TRA2A: variants seen among roughly 807,000 people sequenced by gnomAD.
TRA2A encodes transformer 2 alpha homolog, also known as transformer-2 protein homolog alpha.
TRA2A carries 31 observed loss-of-function variants against 45.7 expected under a neutral mutation model. That is an observed-to-expected ratio of 0.68 (90% CI 0.51 to 0.92). TRA2A has a LOEUF of 0.92. Ranked by LOEUF, TRA2A falls within the 40% of genes least tolerant of loss-of-function variation. The pLI, the probability that TRA2A is intolerant of heterozygous loss-of-function variation, is 0.00. For synonymous variants in TRA2A, 132 were observed against 126.2 expected, an observed-to-expected ratio of 1.05 and a Z score of -0.31; for missense variants, 304 against 367.5, an observed-to-expected ratio of 0.83 and a Z score of 1.41.
intron 1 of TRA2A, among the ~76,000 whole-genome samples, chr7:23,530,214 G>A (rs1472234032): frequency 1.3e-5 from 2 of 152,134 alleles, no homozygotes; most frequent in Admixed American, 1.3e-4. Flanking sequence ...AGAAAGTTCT[G>A]TTGGGGCCAT....
At chr7:23,507,096 T>C (rs1789376661) in intron 5 of TRA2A, 1 of 243,428 alleles carries the variant, frequency 4.1e-6, no homozygotes, top group East Asian at 8.4e-5. Context: ...GAGGGTTGTA[T>C]ATTTAAAAAC....
intron 1 of TRA2A, chr7:23,522,517 G>T: frequency 2.6e-6 from 1 of 387,520 alleles, no homozygotes; most frequent in Middle Eastern, 5.9e-4. Flanking sequence ...TCTACCAAAT[G>T]GAAAAGCCAG....
At chr7:23,508,468 A>G (rs1256933740) in intron 4 of TRA2A, among the ~76,000 whole-genome samples, 4 of 151,976 alleles carry the variant, frequency 2.6e-5, no homozygotes, top group African/African-American at 9.7e-5. Context: ...GAAGGGGTCT[A>G]AACAGTATTC....
chr7:23,506,385 A>C (rs754980354), intron 5 of TRA2A, 119 bp from the exon 6 acceptor site: 15 of 1,260,936 alleles, frequency 1.2e-5, no homozygotes, highest in African/African-American at 1.5e-5. Flanking sequence ...TTCATGAGAA[A>C]TTGCCTCCGT....
Position 23,512,996 on chromosome 7 carries a change from T to C in TRA2A, c.423A>G (p.Arg141=). 2.5e-6 allele frequency: 4 copies of C among 1,614,020 alleles called. No individual in the cohort carries two copies. The Middle Eastern group carries it at 4.9e-4, about 200-fold the overall frequency. ...TERDLREVFS[R]YGPLSGVNVV... is the part of the protein sequence containing the mutation. ...CATTGACACCACTCAATGGTCCATA[T>C]CGAGAAAATACTTCACGAAGATCCC... Residue 141 remains arginine, a synonymous_variant, in exon 4 of 8, where the codon CGA becomes CGG. Coordinates refer to ENST00000297071, the MANE Select transcript of TRA2A (RefSeq NM_013293.5).
intron 5 of TRA2A, among the ~76,000 whole-genome samples, chr7:23,506,977 G>A (rs757709529): frequency 2.6e-5 from 4 of 151,954 alleles, no homozygotes; most frequent in East Asian, 1.9e-4. Flanking sequence ...GGGTTTCACC[G>A]TGGTCCCGAT....
At chr7:23,508,275 TAA>T (rs67642004) in intron 4 of TRA2A, among the ~76,000 whole-genome samples, 1,264 of 101,508 alleles carry the variant, frequency 0.012, 11 homozygotes, top group Non-Finnish European at 0.016. Flanking sequence ...TAAAGGTCAT[TAA>T]AAAAAAAAAA....
In TRA2A at chr7:23,507,402, G is replaced by C; in HGVS notation, c.641+18C>G. On this transcript the variant is annotated intron_variant, in intron 5 of 7. Coordinates refer to ENST00000297071, the MANE Select transcript of TRA2A (RefSeq NM_013293.5). Reference sequence around the variant, plus strand: ...CTGGTGGATTTCATAGTTTAGCTTAGGAAACTTGAACTCTTACTGAGTTGG... The same window carrying C: ...CTGGTGGATTTCATAGTTTAGCTTACGAAACTTGAACTCTTACTGAGTTGG... 1.3e-6 allele frequency: 2 copies of C among 1,593,756 alleles called. No individual in the cohort carries two copies. The highest frequency in any genetic ancestry group is 8.6e-7 in the Non-Finnish European group (1 of 1,163,080).
intron 2 of TRA2A, 98 bp from the exon 3 acceptor site, chr7:23,516,626 G>A (rs1789884835): frequency 1.9e-6 from 2 of 1,069,286 alleles, no homozygotes; most frequent in South Asian, 1.5e-5. Flanking sequence ...ACTATTCTCA[G>A]GTCCTTCCTC....
intron 2 of TRA2A, among the ~76,000 whole-genome samples, chr7:23,519,770 T>C (rs1790050446): frequency 6.6e-6 from 1 of 152,138 alleles, no homozygotes; most frequent in African/African-American, 2.4e-5. Flanking sequence ...GGAAAGACCT[T>C]ATGAAACACA....
At chr7:23,517,507 GAGAA>G (rs1458907573) in intron 2 of TRA2A, among the ~76,000 whole-genome samples, 51 of 74,272 alleles carry the variant, frequency 6.9e-4, no homozygotes, top group African/African-American at 2.3e-3. Flanking sequence ...AAAAAAAAGA[GAGAA>G]AGAAAGAAAA....
chr7:23,521,348 T>C (rs977135990), intron 2 of TRA2A, among the ~76,000 whole-genome samples: 1 of 152,230 alleles, frequency 6.6e-6, no homozygotes, highest in Non-Finnish European at 1.5e-5. Flanking sequence ...AATTATCAAA[T>C]GCCAAACACA....
At position 23,521,843 on chromosome 7, in the gene TRA2A, A is replaced by T; in HGVS notation, c.37-3T>A. 1 of 1,614,152 alleles carries T rather than the reference A, an allele frequency of 6.2e-7. No homozygotes were observed. The highest frequency in any genetic ancestry group is 8.5e-7 in the Non-Finnish European group (1 of 1,180,030). On this transcript the variant is annotated splice_polypyrimidine_tract_variant and splice_region_variant and intron_variant, in intron 1 of 7. Transcript: ENST00000297071. ...GATTTTGACTGAGAGCGAGACTCCT[A>T]ACAAAGAAGACAGTATTACAAATGG...
At chr7:23,513,135 A>G in intron 3 of TRA2A, 53 bp from the exon 4 acceptor site, 1 of 1,327,192 alleles carries the variant, frequency 7.5e-7, no homozygotes, top group Non-Finnish European at 1.0e-6. Context: ...AAATCAAAGA[A>G]ACACAGAAAT....
chr7:23,517,503 A>AAAAAAAAAAAAAGAG (rs764849438), intron 2 of TRA2A, among the ~76,000 whole-genome samples: 82 of 116,244 alleles, frequency 7.1e-4, no homozygotes, highest in East Asian at 3.7e-3. Context: ...AAAAAAAAAA[A>AAAAAAAAAAAAAGAG]AGAGAGAAAG....
At position 23,517,477 on chromosome 7, in the gene TRA2A, C is replaced by CAAAAAAAAAAAAAAA. The variant is rs70954385; in HGVS notation, c.171-964_171-950dup. Among the ~76,000 whole-genome samples the CAAAAAAAAAAAAAAA allele has an allele frequency of 1.8e-3, 25 of 13,924 alleles. 2 individuals carry two copies. Among genetic ancestry groups the CAAAAAAAAAAAAAAA allele is most frequent in the South Asian group, 2.5e-3 (1 of 396 alleles). The allele number at this position is 13,924 out of a possible 152,430, so 9.1% of individuals were successfully genotyped here. ...TGGGCGACAGAGCAAGACTACGTCT[C>CAAAAAAAAAAAAAAA]AAAAAAAAAAAAAAAAAAAAAAAAA... On this transcript the variant is annotated intron_variant, in intron 2 of 7. Transcript: ENST00000297071.
intron 4 of TRA2A, among the ~76,000 whole-genome samples, chr7:23,509,288 C>T (rs1426021654): frequency 6.6e-6 from 1 of 152,036 alleles, no homozygotes; most frequent in African/African-American, 2.4e-5. Context: ...AAAAAACACA[C>T]ACAAAATCTC....
Position 23,512,146 on chromosome 7 carries a change from A to C in TRA2A, c.525+748T>G, listed in dbSNP as rs183640171. Among the ~76,000 whole-genome samples the C allele has an allele frequency of 1.4e-4, 22 of 152,366 alleles. No homozygotes were observed. In the East Asian group the frequency reaches 4.2e-3, roughly 29 times the overall value. Reference sequence around the variant, plus strand: ...GCAGAGAGCATAACCAAAAAAAGTGAAACTGTAGTCACTCCAATTGTTAAC... The same window carrying C: ...GCAGAGAGCATAACCAAAAAAAGTGCAACTGTAGTCACTCCAATTGTTAAC... On this transcript the variant is annotated intron_variant, in intron 4 of 7. Coordinates refer to ENST00000297071, the MANE Select transcript of TRA2A (RefSeq NM_013293.5).
chr7:23,513,354 A>G (rs533692200), intron 3 of TRA2A, among the ~76,000 whole-genome samples: 1 of 152,262 alleles, frequency 6.6e-6, no homozygotes, highest in South Asian at 2.1e-4. Flanking sequence ...GTATCCTGAA[A>G]ATCTTGTAAT....
Sources: gnomAD v4.1 joint callset for allele counts (sites outside exome capture counted in the v4.1 genomes callset) on GRCh38, gnomAD v4.1.1 for gene constraint, MANE v1.5 for transcripts, NCBI Gene and HGNC (gene_info 2026-07-23, HGNC 2026-07-21) for gene names.